Variants in COL4A1 observed in about 807,000 individuals in gnomAD.
The protein encoded by COL4A1 is collagen type IV alpha 1 chain.
Under a neutral mutation model 216.6 loss-of-function variants are expected in COL4A1, and 40 were observed. The ratio of observed to expected loss-of-function variants is 0.18; its 90% CI spans 0.14 to 0.24. COL4A1 has a LOEUF of 0.24. Ranked by LOEUF, COL4A1 falls within the 10% of genes least tolerant of loss-of-function variation. The pLI is 1.00. For synonymous variants in COL4A1, 839 were observed against 810.7 expected (o/e 1.03, Z -0.59); for missense variants, 1,628 against 2,196.8 (o/e 0.74, Z 5.18).
At chr13:110,245,207 C>T (rs1400811370) in intron 1 of COL4A1, among the ~76,000 whole-genome samples, 4 of 152,204 alleles carry the variant, frequency 2.6e-5, no homozygotes, top group Non-Finnish European at 4.4e-5. Context: ...GCACCTGACA[C>T]CTGGAGCCGT....
intron 8 of COL4A1, among the ~76,000 whole-genome samples, chr13:110,210,962 A>G (rs1879766850): frequency 6.6e-6 from 1 of 152,168 alleles, no homozygotes; most frequent in Admixed American, 6.5e-5. Flanking sequence ...CCAATGCTTT[A>G]GAAGCAGTTT....
At chr13:110,203,961 G>C (rs1717922979) in intron 17 of COL4A1, among the ~76,000 whole-genome samples, 1 of 152,146 alleles carries the variant, frequency 6.6e-6, no homozygotes, top group Non-Finnish European at 1.5e-5. Flanking sequence ...TTTAAAAAGA[G>C]AAATGAAATA....
Position 110,178,197 on chromosome 13 carries a change from G to C in COL4A1, c.2493C>G (p.Pro831=), listed in dbSNP as rs764995559. Residue 831 remains proline (P), a synonymous_variant, in exon 32 of 52, where the codon CCC becomes CCG. Transcript: ENST00000375820. The part of the protein sequence containing the change: ...PPGIKGEKGF[P]GFPGLDMPGP... ...CCGGCATGTCCAGTCCAGGGAATCCGGGGAAACCCTTCTCTCCTTTTATTC... is the reference window on the plus strand; with the variant it reads ...CCGGCATGTCCAGTCCAGGGAATCCCGGGAAACCCTTCTCTCCTTTTATTC... The C allele has an allele frequency of 1.2e-6, 2 of 1,614,126 alleles. No individual in the cohort carries two copies. The highest frequency in any genetic ancestry group is 3.3e-4 in the Middle Eastern group (2 of 6,006).
intron 1 of COL4A1, among the ~76,000 whole-genome samples, chr13:110,253,659 AATT>A (rs1882351846): frequency 6.9e-6 from 1 of 145,134 alleles, no homozygotes; most frequent in Non-Finnish European, 1.5e-5. Flanking sequence ...ATATACGTAT[AATT>A]ATATGTGTAT....
At position 110,164,984 on chromosome 13, in the gene COL4A1, G is replaced by A. The variant is rs780881275; in HGVS notation, c.4028C>T (p.Pro1343Leu). Residue 1343 changes from proline to leucine, a missense_variant, in exon 46 of 52, where the codon CCG becomes CTG. Physicochemically the swap from Pro to Leu is moderately conservative, Grantham distance 98. This residue lies in a region of COL4A1 where 345 missense variants were observed against 476.9 expected (regional missense o/e 0.72). Coordinates refer to ENST00000375820, the MANE Select transcript of COL4A1 (RefSeq NM_001845.6). ...DQGVPGAKGL[P>L]GPPGPPGPYD... Reference sequence around the variant, plus strand: ...AGGACCTGGGGGGCCAGGAGGACCCGGGAGACCTGTGGGAATAGGGAAGGC... The same window carrying A: ...AGGACCTGGGGGGCCAGGAGGACCCAGGAGACCTGTGGGAATAGGGAAGGC... 15 of 1,604,140 alleles carry A rather than the reference G, an allele frequency of 9.4e-6. No individual in the cohort carries two copies. The highest frequency in any genetic ancestry group is 2.2e-5 in the East Asian group (1 of 44,582).
At chr13:110,283,959 T>C (rs1883740097) in intron 1 of COL4A1, among the ~76,000 whole-genome samples, 1 of 152,098 alleles carries the variant, frequency 6.6e-6, no homozygotes, top group African/African-American at 2.4e-5. Context: ...ATGACAGTGG[T>C]GGCCACAGGC....
chr13:110,292,236 C>T (rs993466890), intron 1 of COL4A1, among the ~76,000 whole-genome samples: 4 of 152,166 alleles, frequency 2.6e-5, no homozygotes, highest in Admixed American at 1.3e-4. Flanking sequence ...TACCAAGGCC[C>T]TCTAGACCAG....
Position 110,210,221 on chromosome 13 carries a change from T to C in COL4A1, c.469-9A>G, listed in dbSNP as rs1369642508. ...ATCTCACCTGGATCACCCTAGAGGA[T>C]GAAGAAAGAAAATAGAAAGTTGCAA... On this transcript the variant is annotated splice_polypyrimidine_tract_variant and intron_variant, in intron 8 of 51. Coordinates refer to ENST00000375820, the MANE Select transcript of COL4A1 (RefSeq NM_001845.6). The C allele has an allele frequency of 1.2e-6, 2 of 1,612,604 alleles. No individual in the cohort carries two copies. Among genetic ancestry groups the C allele is most frequent in the African/African-American group, 2.7e-5 (2 of 74,834 alleles).
At chr13:110,204,025 T>C (rs1311015461) in intron 17 of COL4A1, among the ~76,000 whole-genome samples, 16 of 152,220 alleles carry the variant, frequency 1.1e-4, no homozygotes, top group Admixed American at 9.2e-4. Flanking sequence ...AATCATTTTA[T>C]ATGATGTTTT....
intron 2 of COL4A1, among the ~76,000 whole-genome samples, chr13:110,219,842 A>G (rs61963272): frequency 0.014 from 773 of 54,704 alleles, 13 homozygotes; most frequent in Middle Eastern, 0.045. Context: ...GTATGTATAT[A>G]TGTGTATATA....
chr13:110,306,360 C>T (rs1345666907), intron 1 of COL4A1, among the ~76,000 whole-genome samples: 1 of 152,192 alleles, frequency 6.6e-6, no homozygotes, highest in Non-Finnish European at 1.5e-5. Flanking sequence ...CCAGAAGAGC[C>T]CCACTTCTGC....
chr13:110,220,630 G>C (rs1880428703), intron 2 of COL4A1, among the ~76,000 whole-genome samples: 1 of 152,148 alleles, frequency 6.6e-6, no homozygotes, highest in Non-Finnish European at 1.5e-5. Context: ...CTCTTCTAAA[G>C]CACGTGGGGT....
At position 110,201,518 on chromosome 13, in the gene COL4A1, A is replaced by G. The variant is rs1002737874; in HGVS notation, c.1004T>C (p.Ile335Thr). 1 of 1,614,174 alleles carries G rather than the reference A, an allele frequency of 6.2e-7. No individual in the cohort carries two copies. Among genetic ancestry groups the G allele is most frequent in the Non-Finnish European group, 8.5e-7 (1 of 1,179,996 alleles). ...TTTTTCTCCCAAAGGTCCTGTGCCTATAACCTGAATCGAGAAGGAAAAGGT... is the reference window on the plus strand; with the variant it reads ...TTTTTCTCCCAAAGGTCCTGTGCCTGTAACCTGAATCGAGAAGGAAAAGGT... The part of the protein sequence containing the change: ...AGPPGPPGIV[I>T]GTGPLGEKGE... The change falls in exon 19 of 52, where the codon ATA (isoleucine) becomes ACA (threonine). Residue 335 changes from isoleucine (I) to threonine (T), a missense_variant. Physicochemically the swap from Ile to Thr is moderately conservative, Grantham distance 89 (BLOSUM62 -1). Coordinates refer to ENST00000375820, the MANE Select transcript of COL4A1 (RefSeq NM_001845.6).
chr13:110,232,290 G>T (rs1354436889), intron 2 of COL4A1, among the ~76,000 whole-genome samples: 1 of 152,184 alleles, frequency 6.6e-6, no homozygotes, highest in African/African-American at 2.4e-5. Flanking sequence ...TGGTTTGCTC[G>T]TTAACTCTGA....
chr13:110,196,947 A>G lies in COL4A1; in HGVS notation c.1285+1520T>C, dbSNP rs115061472. On this transcript the variant is annotated intron_variant, in intron 21 of 51. Transcript: ENST00000375820. ...ATTATTACTCGATACTCTGTGATTG[A>G]GAATTACTTAATTTACGTGGACTAA... Among the ~76,000 whole-genome samples the G allele has an allele frequency of 7.9e-3, 1,208 of 152,256 alleles. 15 individuals carry two copies. Among genetic ancestry groups the G allele is most frequent in the African/African-American group, 0.028 (1,152 of 41,570 alleles).
intron 1 of COL4A1, among the ~76,000 whole-genome samples, chr13:110,257,633 CTG>C (rs1218746450): frequency 6.6e-6 from 1 of 152,180 alleles, no homozygotes; most frequent in African/African-American, 2.4e-5. Flanking sequence ...CTGTGAGACA[CTG>C]TGGTTAACTG....
intron 21 of COL4A1, 96 bp from the exon 22 acceptor site, chr13:110,195,214 T>G: frequency 1.0e-6 from 1 of 981,698 alleles, no homozygotes; most frequent in Non-Finnish European, 1.6e-6. Flanking sequence ...TTTTAGGCTA[T>G]TTGACAAGTG....
rs1354948611 is a variant in COL4A1 at position 110,241,366 on chromosome 13, C to CA, written c.144+1308dup. The stretch of plus-strand genomic sequence containing the variant: ...GCTGCTTTCAAAGTCACATGGAAAA[C>CA]AGAGGTAATCATGATCCAGGCCTTA... On this transcript the variant is annotated intron_variant, in intron 2 of 51. Coordinates refer to ENST00000375820, the MANE Select transcript of COL4A1 (RefSeq NM_001845.6). 3.9e-5 allele frequency among the ~76,000 whole-genome samples: 6 copies of CA among 152,298 alleles called. No homozygotes were observed. The South Asian group carries it at 1.2e-3, about 32-fold the overall frequency.
intron 1 of COL4A1, among the ~76,000 whole-genome samples, chr13:110,253,720 T>G (rs1029687052): frequency 6.9e-6 from 1 of 144,188 alleles, no homozygotes; most frequent in Non-Finnish European, 1.5e-5. Context: ...TACATATACG[T>G]ATAATTATAC....
Sources: gnomAD v4.1 joint callset for allele counts (sites outside exome capture counted in the v4.1 genomes callset) on GRCh38, gnomAD v4.1.1 for gene constraint, gnomAD v4.1.1 regional missense constraint, MANE v1.5 for transcripts, NCBI Gene and HGNC (gene_info 2026-07-23, HGNC 2026-07-21) for gene names.